The following MITF variants were observed in gnomAD, a reference collection of about 807,000 sequenced individuals.
MITF encodes the protein microphthalmia-associated transcription factor.
Under a neutral mutation model 60.5 loss-of-function variants are expected in MITF, and 17 were observed. The ratio of observed to expected loss-of-function variants is 0.28; its 90% CI spans 0.19 to 0.42. The LOEUF is 0.42. Ranked by LOEUF, MITF falls within the 10% of genes least tolerant of loss-of-function variation. The probability of loss-of-function intolerance (pLI) is 1.00; values close to 1 mark genes in which losing one functional copy is unlikely to be tolerated. For missense variants in MITF, 622 were observed against 683.5 expected, an observed-to-expected ratio of 0.91 and a Z score of 1.00; for synonymous variants, 260 against 248.5, an observed-to-expected ratio of 1.05 and a Z score of -0.43.
At chr3:69,866,474 T>C in intron 1 of MITF, 1 of 1,158,256 alleles carries the variant, frequency 8.6e-7, no homozygotes, top group Non-Finnish European at 1.2e-6. Context: ...AGCTGTTACT[T>C]CTCACTGGCT....
intron 1 of MITF, among the ~76,000 whole-genome samples, chr3:69,867,848 C>A (rs752483238): frequency 1.3e-5 from 2 of 152,146 alleles, no homozygotes; most frequent in African/African-American, 4.8e-5. Context: ...AACTAAAATA[C>A]TTGTCGTAAG....
intron 2 of MITF, among the ~76,000 whole-genome samples, chr3:69,906,669 A>G (rs540647660): frequency 2.6e-5 from 4 of 152,260 alleles, no homozygotes; most frequent in African/African-American, 7.2e-5. Context: ...TCCTGTAGTT[A>G]TTTATCACTT....
At chr3:69,954,008 A>G (rs1023393521) in intron 7 of MITF, among the ~76,000 whole-genome samples, 1 of 152,184 alleles carries the variant, frequency 6.6e-6, no homozygotes, top group East Asian at 1.9e-4. Flanking sequence ...TAGATGTTGG[A>G]TAGTATAAAG....
intron 1 of MITF, among the ~76,000 whole-genome samples, chr3:69,792,248 A>G (rs2062752213): frequency 6.6e-6 from 1 of 152,228 alleles, no homozygotes; most frequent in African/African-American, 2.4e-5. Flanking sequence ...AAAGGGCCAG[A>G]TGTTTGGAGT....
intron 2 of MITF, among the ~76,000 whole-genome samples, chr3:69,897,908 T>C: frequency 6.6e-6 from 1 of 152,222 alleles, no homozygotes; most frequent in East Asian, 1.9e-4. Context: ...TATTCTGTAC[T>C]GATTCTTACA....
At chr3:69,847,419 C>T (rs776960602) in intron 1 of MITF, among the ~76,000 whole-genome samples, 1 of 152,134 alleles carries the variant, frequency 6.6e-6, no homozygotes, top group Non-Finnish European at 1.5e-5. Flanking sequence ...GGCGTGAAGG[C>T]CAGACCTAGT....
intron 1 of MITF, among the ~76,000 whole-genome samples, chr3:69,838,443 G>A (rs2063573656): frequency 6.6e-6 from 1 of 152,098 alleles, no homozygotes; most frequent in East Asian, 1.9e-4. Context: ...TACGAAGTCT[G>A]AATGATTACT....
At chr3:69,794,610 A>G (rs1281533162) in intron 1 of MITF, among the ~76,000 whole-genome samples, 1 of 152,208 alleles carries the variant, frequency 6.6e-6, no homozygotes, top group Non-Finnish European at 1.5e-5. Flanking sequence ...TAAAATTCAC[A>G]TGCATTAAAA....
intron 1 of MITF, among the ~76,000 whole-genome samples, chr3:69,744,749 T>C (rs1703657385): frequency 6.6e-6 from 1 of 152,248 alleles, no homozygotes; most frequent in African/African-American, 2.4e-5. Flanking sequence ...TCTTTGAATG[T>C]TAGTAAATTC....
At chr3:69,744,562 C>G (rs1441506290) in intron 1 of MITF, among the ~76,000 whole-genome samples, 1 of 152,196 alleles carries the variant, frequency 6.6e-6, no homozygotes, top group East Asian at 1.9e-4. Context: ...AGCATGGCAC[C>G]TGACACACAG....
intron 1 of MITF, among the ~76,000 whole-genome samples, chr3:69,815,068 G>C (rs577843598): frequency 6.6e-6 from 1 of 152,240 alleles, no homozygotes; most frequent in African/African-American, 2.4e-5. Context: ...CATAAATACA[G>C]TGGGGCCCAG....
intron 1 of MITF, among the ~76,000 whole-genome samples, chr3:69,757,528 G>A (rs992924176): frequency 4.6e-5 from 7 of 152,198 alleles, no homozygotes; most frequent in African/African-American, 1.7e-4. Context: ...TTGGTCAGAA[G>A]TGGAATGGTG....
intron 2 of MITF, among the ~76,000 whole-genome samples, chr3:69,910,746 T>G (rs1024212012): frequency 1.3e-5 from 2 of 152,132 alleles, no homozygotes; most frequent in African/African-American, 2.4e-5. Context: ...TTTATCCCAT[T>G]TGGAACAGCT....
intron 1 of MITF, among the ~76,000 whole-genome samples, chr3:69,794,599 T>A (rs2062798383): frequency 6.6e-6 from 1 of 152,194 alleles, no homozygotes; most frequent in African/African-American, 2.4e-5. Context: ...TGGCAACACG[T>A]TAAAATTCAC....
At chr3:69,778,563 C>T (rs567838936) in intron 1 of MITF, among the ~76,000 whole-genome samples, 12 of 152,270 alleles carry the variant, frequency 7.9e-5, no homozygotes, top group African/African-American at 2.9e-4. Flanking sequence ...TTTGTCACCT[C>T]ATGGTTGCAA....
At chr3:69,798,021 C>T (rs1222654568) in intron 1 of MITF, among the ~76,000 whole-genome samples, 1 of 152,188 alleles carries the variant, frequency 6.6e-6, no homozygotes, top group Non-Finnish European at 1.5e-5. Flanking sequence ...CCATCCAGAA[C>T]TTTTTGTTGG....
At chr3:69,905,972 A>C (rs1317541571) in intron 2 of MITF, among the ~76,000 whole-genome samples, 1 of 152,030 alleles carries the variant, frequency 6.6e-6, no homozygotes, top group Non-Finnish European at 1.5e-5. Context: ...AGAAGTTTTA[A>C]ATTTTGATAA....
intron 2 of MITF, among the ~76,000 whole-genome samples, chr3:69,892,057 A>C (rs932780748): frequency 2.6e-4 from 39 of 152,232 alleles, no homozygotes; most frequent in Non-Finnish European, 4.4e-5. Context: ...TTTGTAAATT[A>C]AATATGTATG....
intron 1 of MITF, among the ~76,000 whole-genome samples, chr3:69,857,360 CA>C (rs2063936866): frequency 6.6e-6 from 1 of 151,116 alleles, no homozygotes; most frequent in Admixed American, 6.6e-5. Flanking sequence ...CTGCCCCCCC[CA>C]GTTTCTTTCT....
Sources: allele counts gnomAD v4.1 joint callset (sites outside exome capture counted in the v4.1 genomes callset), GRCh38; gene constraint gnomAD v4.1.1; transcripts MANE v1.5; gene names NCBI Gene and HGNC (gene_info 2026-07-23, HGNC 2026-07-21).